RXFP1: variants seen among roughly 807,000 people sequenced by gnomAD.
RXFP1 encodes the protein relaxin receptor 1.
RXFP1 carries 73 observed loss-of-function variants against 89.8 expected under a neutral mutation model. That is an observed-to-expected ratio of 0.81 (90% CI 0.67 to 0.99). The LOEUF (loss-of-function observed/expected upper bound fraction) is 0.99. RXFP1 is among the 50% of genes least tolerant of loss of function. The pLI is 0.00. For synonymous variants in RXFP1, 277 were observed against 305.5 expected (o/e 0.91, Z 0.97); for missense variants, 793 against 895.5 (o/e 0.89, Z 1.46).
intron 15 of RXFP1, 97 bp downstream of exon 15, chr4:158,645,235 T>G: frequency 5.6e-6 from 5 of 900,874 alleles, no homozygotes; most frequent in Non-Finnish European, 8.5e-6. Context: ...ATTATGGAAT[T>G]TTACATTTTT....
At chr4:158,539,674 T>C (rs968947657) in intron 1 of RXFP1, among the ~76,000 whole-genome samples, 3 of 152,192 alleles carry the variant, frequency 2.0e-5, no homozygotes, top group African/African-American at 7.2e-5. Flanking sequence ...GCATTTCAGA[T>C]AGTGTTTGGC....
chr4:158,652,970 T>C lies in RXFP1; in HGVS notation c.*915T>C, dbSNP rs1003949493. 1 of 152,242 alleles carries C rather than the reference T, an allele frequency of 6.6e-6. No individual in the cohort carries two copies. The highest frequency in any genetic ancestry group is 1.5e-5 in the Non-Finnish European group (1 of 68,048). The allele number at this position is 152,242 out of a possible 1,614,324, so 9.4% of individuals were successfully genotyped here. A position where few individuals can be genotyped will look rare whatever the true frequency, so the allele number is the denominator to read the frequency against. ...ACCCACTTTAGATGGGTGAATGTTA[T>C]GGTGTGTGAAATATCTCAGTAAAGC... On this transcript the variant is annotated 3_prime_UTR_variant, in exon 18 of 18. Transcript: ENST00000307765.
chr4:158,539,600 T>C (rs1746112192), intron 1 of RXFP1, among the ~76,000 whole-genome samples: 1 of 152,182 alleles, frequency 6.6e-6, no homozygotes, highest in Middle Eastern at 3.2e-3. Context: ...AAAAAAGGCA[T>C]ATGTAATACC....
chr4:158,588,035 G>T (rs10014194), intron 2 of RXFP1, among the ~76,000 whole-genome samples: 6 of 152,062 alleles, frequency 3.9e-5, no homozygotes, highest in African/African-American at 9.7e-5. Context: ...AAGGAAGACA[G>T]TCCAATGCCA....
In RXFP1 at chr4:158,645,141, G is replaced by C. The variant is rs1275856379; in HGVS notation, c.1345+3G>C. On this transcript the variant is annotated splice_donor_region_variant and intron_variant, in intron 15 of 17. Coordinates refer to ENST00000307765, the MANE Select transcript of RXFP1 (RefSeq NM_021634.4). ...CATGTCAATCATTTCTCTCTGCTGTGAGTATTTCCTGGTTAAAGGAGAATT... is the reference window on the plus strand; with the variant it reads ...CATGTCAATCATTTCTCTCTGCTGTCAGTATTTCCTGGTTAAAGGAGAATT... The C allele has an allele frequency of 6.3e-7, 1 of 1,599,452 alleles. No homozygotes were observed. Among genetic ancestry groups the C allele is most frequent in the Non-Finnish European group, 8.6e-7 (1 of 1,166,786 alleles).
At chr4:158,571,893 T>G (rs1440518920) in intron 1 of RXFP1, among the ~76,000 whole-genome samples, 1 of 152,184 alleles carries the variant, frequency 6.6e-6, no homozygotes, top group Non-Finnish European at 1.5e-5. Context: ...CTTATCACCA[T>G]GTGTGTGGGT....
intron 7 of RXFP1, 33 bp from the exon 8 acceptor site, chr4:158,612,258 T>C (rs746167629): frequency 1.0e-5 from 16 of 1,603,928 alleles, no homozygotes; most frequent in African/African-American, 2.7e-5. Flanking sequence ...TAGAGATATA[T>C]AAATGAATTA....
chr4:158,557,074 T>C (rs1023588713), intron 1 of RXFP1, among the ~76,000 whole-genome samples: 1 of 152,160 alleles, frequency 6.6e-6, no homozygotes, highest in African/African-American at 2.4e-5. Flanking sequence ...GAAGAGAGGC[T>C]TTTGAATGTT....
intron 16 of RXFP1, among the ~76,000 whole-genome samples, chr4:158,647,968 T>C (rs1312646856): frequency 6.7e-6 from 1 of 149,042 alleles, no homozygotes; most frequent in Non-Finnish European, 1.5e-5. Context: ...TGAGGCAAGA[T>C]AGTGCCACTG....
Position 158,599,577 on chromosome 4 carries a change from T to C in RXFP1, c.392+146T>C, listed in dbSNP as rs1761290661. 6.2e-6 allele frequency: 4 copies of C among 640,090 alleles called. No individual in the cohort carries two copies. In the Admixed American group the frequency reaches 9.2e-5, roughly 15 times the overall value. The allele number at this position is 640,090 out of a possible 1,614,324, so 39.7% of individuals were successfully genotyped here. A position where few individuals can be genotyped will look rare whatever the true frequency, so the allele number is the denominator to read the frequency against. ...GGGTCAGGTATAATAATTACTGATA[T>C]TTATTTTGCATTTATTAAATGCTAG... is the stretch of plus-strand genomic sequence containing the variant. On this transcript the variant is annotated intron_variant, in intron 4 of 17. Transcript: ENST00000307765.
At chr4:158,527,564 A>AAAATATATATATATATATATATATAT (rs5741905) in intron 1 of RXFP1, among the ~76,000 whole-genome samples, 3 of 98,334 alleles carry the variant, frequency 3.1e-5, no homozygotes, top group African/African-American at 7.0e-5. Flanking sequence ...AAAAAAAAAA[A>AAAATATATATATATATATATATATAT]ATATATATAT....
At chr4:158,574,115 A>C (rs989596924) in intron 2 of RXFP1, among the ~76,000 whole-genome samples, 3 of 152,186 alleles carry the variant, frequency 2.0e-5, no homozygotes, top group Non-Finnish European at 4.4e-5. Flanking sequence ...TAGAACCTGA[A>C]TTGTTTGGAT....
At chr4:158,599,845 T>C (rs567733734) in intron 4 of RXFP1, among the ~76,000 whole-genome samples, 1 of 152,310 alleles carries the variant, frequency 6.6e-6, no homozygotes, top group South Asian at 2.1e-4. Flanking sequence ...ATGTGTAAGT[T>C]AAAAAAGAAA....
intron 2 of RXFP1, among the ~76,000 whole-genome samples, chr4:158,578,401 G>C (rs749223238): frequency 3.3e-5 from 5 of 152,186 alleles, no homozygotes; most frequent in Non-Finnish European, 4.4e-5. Context: ...CTAGAACTAT[G>C]ATACCTGAGA....
At chr4:158,583,408 T>A (rs1164038874) in intron 2 of RXFP1, among the ~76,000 whole-genome samples, 1 of 152,136 alleles carries the variant, frequency 6.6e-6, no homozygotes, top group Non-Finnish European at 1.5e-5. Flanking sequence ...AAGTTGGTGG[T>A]TTGTCTTGTT....
rs1741274509 is a variant in RXFP1 at position 158,521,969 on chromosome 4, A to C, written c.-8A>C. The C allele has an allele frequency of 6.2e-7, 1 of 1,607,582 alleles. No homozygotes were observed. The highest frequency in any genetic ancestry group is 1.1e-5 in the South Asian group (1 of 90,374). The stretch of plus-strand genomic sequence containing the variant: ...ACTTTCATTAATCAGTTGCTCAGAT[A>C]GAAGGAAATGACATCTGGTTCTGTC... On this transcript the variant is annotated 5_prime_UTR_variant, in exon 1 of 18. The change abolishes the stop of an existing upstream ORF in the 5' untranslated region. Transcript: ENST00000307765.
chr4:158,543,690 T>A (rs1747428509), intron 1 of RXFP1: 1 of 850,604 alleles, frequency 1.2e-6, no homozygotes, highest in African/African-American at 1.8e-5. Flanking sequence ...TTCTTCTCAG[T>A]TTTTCTTCAT....
chr4:158,617,732 T>C (rs1487764020), intron 9 of RXFP1, among the ~76,000 whole-genome samples: 1 of 152,088 alleles, frequency 6.6e-6, no homozygotes, highest in African/African-American at 2.4e-5. Context: ...ATTTGCCTAT[T>C]TAGAACACAA....
intron 2 of RXFP1, 177 bp downstream of exon 2, chr4:158,573,012 G>GTT: frequency 2.2e-6 from 2 of 915,388 alleles, no homozygotes; most frequent in Non-Finnish European, 1.5e-6. Context: ...TTCTTTTCTT[G>GTT]TTTTTGTTTT....
Sources: gnomAD v4.1 joint callset for allele counts (sites outside exome capture counted in the v4.1 genomes callset) on GRCh38, gnomAD v4.1.1 for gene constraint, MANE v1.5 for transcripts, NCBI Gene and HGNC (gene_info 2026-07-23, HGNC 2026-07-21) for gene names.